ERI3: variants seen among roughly 807,000 people sequenced by gnomAD.
The protein encoded by ERI3 is ERI1 exoribonuclease 3.
ERI3 carries 18 observed loss-of-function variants against 44.4 expected under a neutral mutation model. The ratio of observed to expected loss-of-function variants is 0.41; its 90% confidence interval spans 0.28 to 0.60. The LOEUF (loss-of-function observed/expected upper bound fraction) is 0.60, where lower values mean the gene tolerates loss of function less well. Ranked by LOEUF, ERI3 falls within the 20% of genes least tolerant of loss-of-function variation. The probability of loss-of-function intolerance (pLI) is 0.36; values close to 1 mark genes in which losing one functional copy is unlikely to be tolerated. For missense variants in ERI3, 294 were observed against 435.5 expected, an observed-to-expected ratio of 0.68 and a Z score of 2.89; for synonymous variants, 183 against 164.8, an observed-to-expected ratio of 1.11 and a Z score of -0.84.
At position 44,221,699 on chromosome 1, in the gene ERI3, G is replaced by A. The variant is rs368341948; in HGVS notation, c.932-59C>T. ...AGATCCTTCCCCTCCATGCCCACAG[G>A]TGCTCTTACAAGGGTGGGGGTGGGA... On this transcript the variant is annotated intron_variant, in intron 8 of 8. Coordinates refer to ENST00000372257, the MANE Select transcript of ERI3 (RefSeq NM_024066.3). This position sits in a 1 kb window ranked among gnomAD's most constrained non-coding sequence, Gnocchi z 5.9. 50 of 1,415,328 alleles carry A rather than the reference G, an allele frequency of 3.5e-5. No individual in the cohort carries two copies. In the African/African-American group the frequency reaches 6.6e-4, roughly 19 times the overall value. 87.7% of individuals were successfully genotyped at this position (1,415,328 alleles called of 1,614,324 possible). A position where few individuals can be genotyped will look rare whatever the true frequency, so the allele number is the denominator to read the frequency against.
intron 6 of ERI3, among the ~76,000 whole-genome samples, chr1:44,300,476 C>T (rs1032412316): frequency 6.6e-6 from 1 of 152,192 alleles, no homozygotes; most frequent in Admixed American, 6.5e-5. Flanking sequence ...CCCATTGAGG[C>T]ACAAAGTCCT....
At chr1:44,355,264 G>A (rs972873660), upstream of ERI3, 4 of 1,153,830 alleles carry the variant, frequency 3.5e-6, no homozygotes, top group Admixed American at 9.5e-5. Context: ...ACTCACCTCC[G>A]CGCACTCTGA....
intron 7 of ERI3, among the ~76,000 whole-genome samples, chr1:44,274,969 ACTGCCCCATGGACAATG>A (rs1645153670): frequency 6.6e-6 from 1 of 152,122 alleles, no homozygotes; most frequent in East Asian, 1.9e-4. Context: ...ACAACTGCCC[ACTGCCCCATGGACAATG>A]CTCTGCACTT....
At chr1:44,225,421 C>A (rs1361807259) in intron 8 of ERI3, among the ~76,000 whole-genome samples, 4 of 152,224 alleles carry the variant, frequency 2.6e-5, no homozygotes, top group African/African-American at 7.2e-5. Context: ...AGCCACCATA[C>A]CTGGTCAGGC....
intron 8 of ERI3, among the ~76,000 whole-genome samples, chr1:44,222,520 A>C (rs1643925521): frequency 6.6e-6 from 1 of 152,204 alleles, no homozygotes. Flanking sequence ...ACTGTCCTAG[A>C]ACCCTGGAGG....
intron 8 of ERI3, among the ~76,000 whole-genome samples, chr1:44,245,674 C>T (rs779462933): frequency 2.0e-5 from 3 of 152,198 alleles, no homozygotes; most frequent in Non-Finnish European, 4.4e-5. Flanking sequence ...AGGGACACCT[C>T]ACAGGTCCTA....
chr1:44,341,097 A>G lies in ERI3; in HGVS notation c.212-1775T>C, dbSNP rs894656550. Among the ~76,000 whole-genome samples the G allele has an allele frequency of 3.9e-5, 6 of 152,254 alleles. 1 individual carries two copies. Among genetic ancestry groups the G allele is most frequent in the Admixed American group, 2.6e-4 (4 of 15,286 alleles). ...TCTACAGTGTGCACAGAATATGCGT[A>G]GTATATACAGTCAGTCAATCCTGTC... On this transcript the variant is annotated intron_variant, in intron 2 of 8. Coordinates refer to ENST00000372257, the MANE Select transcript of ERI3 (RefSeq NM_024066.3).
In ERI3 at chr1:44,280,209, G is replaced by A. The variant is rs572396466; in HGVS notation, c.831+4626C>T. Among the ~76,000 whole-genome samples, 6 of 152,322 alleles carry A rather than the reference G, an allele frequency of 3.9e-5. No individual in the cohort carries two copies. In the South Asian group the frequency reaches 1.2e-3, roughly 32 times the overall value. On this transcript the variant is annotated intron_variant, in intron 7 of 8. Coordinates refer to ENST00000372257, the MANE Select transcript of ERI3 (RefSeq NM_024066.3). ...TTTATGTATTTCTTAAGCATTTAAT[G>A]TGTAAAACTATGCTACCATTTTTAT...
intron 3 of ERI3, among the ~76,000 whole-genome samples, chr1:44,324,455 G>C (rs59970648): frequency 0.07 from 10,563 of 150,818 alleles, 1,262 homozygotes; most frequent in African/African-American, 0.25. Context: ...TCAGGACCAA[G>C]GGTTTCCTGC....
chr1:44,283,889 C>G (rs1645338002), intron 7 of ERI3: 1 of 418,222 alleles, frequency 2.4e-6, no homozygotes, highest in Non-Finnish European at 4.9e-6. Context: ...CCATATCCCA[C>G]CTTCCTTGAA....
chr1:44,247,675 C>G (rs1277292028), intron 8 of ERI3, among the ~76,000 whole-genome samples: 1 of 152,162 alleles, frequency 6.6e-6, no homozygotes, highest in Non-Finnish European at 1.5e-5. Flanking sequence ...GAAGGAGGAC[C>G]TTGGCCTGAG....
intron 7 of ERI3, among the ~76,000 whole-genome samples, chr1:44,283,458 T>C (rs563538725): frequency 1.3e-5 from 2 of 152,222 alleles, no homozygotes; most frequent in Non-Finnish European, 2.9e-5. Context: ...GCAGAAGTGA[T>C]ACCTGAGGTG....
intron 3 of ERI3, among the ~76,000 whole-genome samples, chr1:44,332,570 G>A (rs1368179982): frequency 2.6e-5 from 4 of 152,190 alleles, no homozygotes; most frequent in African/African-American, 9.7e-5. Context: ...CCTCTGCTAT[G>A]CCAAACACAC....
intron 6 of ERI3, among the ~76,000 whole-genome samples, chr1:44,304,339 G>A (rs1240164915): frequency 1.2e-4 from 19 of 152,146 alleles, no homozygotes; most frequent in Non-Finnish European, 4.4e-5. Flanking sequence ...AACCAGGATA[G>A]AGATCAAAGA....
intron 2 of ERI3, among the ~76,000 whole-genome samples, chr1:44,339,648 T>C (rs113041432): frequency 2.2e-4 from 33 of 152,162 alleles, no homozygotes; most frequent in African/African-American, 7.7e-4. Flanking sequence ...GAGAGAAAAA[T>C]TGTGCAGTCA....
At chr1:44,237,717 G>A (rs1644336414) in intron 8 of ERI3, among the ~76,000 whole-genome samples, 1 of 152,204 alleles carries the variant, frequency 6.6e-6, no homozygotes, top group African/African-American at 2.4e-5. Flanking sequence ...AGGCCTCACT[G>A]TGCACATGCT....
chr1:44,329,259 T>C (rs1646380411), intron 3 of ERI3, among the ~76,000 whole-genome samples: 1 of 152,154 alleles, frequency 6.6e-6, no homozygotes, highest in South Asian at 2.1e-4. Flanking sequence ...TGGCCACAAA[T>C]TTGGAGCAGG....
intron 8 of ERI3, among the ~76,000 whole-genome samples, chr1:44,242,773 T>A (rs1644467435): frequency 6.6e-6 from 1 of 152,140 alleles, no homozygotes; most frequent in Non-Finnish European, 1.5e-5. Context: ...GGCTGGCGTT[T>A]GGTGTGTGCT....
At chr1:44,344,425 T>C (rs1032377125) in intron 2 of ERI3, among the ~76,000 whole-genome samples, 3 of 152,018 alleles carry the variant, frequency 2.0e-5, no homozygotes, top group African/African-American at 7.2e-5. Context: ...TCAAAGCATC[T>C]CTCAGCCCAA....
Sources: gnomAD v4.1 joint callset for allele counts (sites outside exome capture counted in the v4.1 genomes callset) on GRCh38, gnomAD v4.1.1 for gene constraint, Gnocchi (gnomAD v3.1) non-coding constraint, MANE v1.5 for transcripts, NCBI Gene and HGNC (gene_info 2026-07-23, HGNC 2026-07-21) for gene names.